SMARCAD1: variants seen among roughly 807,000 people sequenced by gnomAD.
The protein encoded by SMARCAD1 is SNF2 related chromatin remodeling ATPase with DExD box 1.
A neutral mutation model predicts 127.1 loss-of-function variants in SMARCAD1; 25 were observed. The ratio of observed to expected loss-of-function variants is 0.20; its 90% CI spans 0.14 to 0.27. The LOEUF (loss-of-function observed/expected upper bound fraction) is 0.27, where lower values mean the gene tolerates loss of function less well. Among genes scored for constraint, SMARCAD1 ranks in the 10% least tolerant of loss-of-function variants. The pLI is 1.00. For missense variants in SMARCAD1, 807 were observed against 1,206.0 expected (o/e 0.67, Z 4.90); for synonymous variants, 400 against 396.9 (o/e 1.01, Z -0.09).
chr4:94,235,229 CTTTTTTTT>C (rs35123705), intron 4 of SMARCAD1, among the ~76,000 whole-genome samples: 1 of 39,254 alleles, frequency 2.5e-5, no homozygotes, highest in Non-Finnish European at 4.4e-5. Context: ...ACCACCAATC[CTTTTTTTT>C]TTTTTTTTTT....
chr4:94,272,115 T>TA (rs2125980423), intron 11 of SMARCAD1, among the ~76,000 whole-genome samples: 1 of 152,338 alleles, frequency 6.6e-6, no homozygotes, highest in Admixed American at 6.5e-5. Context: ...ACTCTGTCCT[T>TA]ATGTGGCCTT....
intron 6 of SMARCAD1, among the ~76,000 whole-genome samples, chr4:94,241,714 G>A (rs937383512): frequency 2.0e-5 from 3 of 152,158 alleles, no homozygotes. Context: ...CCCAAGGAAT[G>A]GTGCTATAAT....
At chr4:94,232,110 A>T (rs1192430474) in intron 3 of SMARCAD1, among the ~76,000 whole-genome samples, 1 of 152,140 alleles carries the variant, frequency 6.6e-6, no homozygotes, top group Non-Finnish European at 1.5e-5. Flanking sequence ...TAATCCACCC[A>T]CGTCGGCCTC....
chr4:94,213,743 G>A (rs914230320), intron 2 of SMARCAD1, among the ~76,000 whole-genome samples: 2 of 152,120 alleles, frequency 1.3e-5, no homozygotes, highest in African/African-American at 4.8e-5. Flanking sequence ...GACAGCTGGA[G>A]GATTGACACC....
intron 22 of SMARCAD1, among the ~76,000 whole-genome samples, chr4:94,284,353 A>AAAAAT (rs1754590155): frequency 1.1e-5 from 1 of 88,252 alleles, no homozygotes; most frequent in Non-Finnish European, 2.6e-5. Context: ...AAAAAAAAAA[A>AAAAAT]GAAAAAAGTA....
chr4:94,209,970 C>T (rs1264387688), intron 2 of SMARCAD1, among the ~76,000 whole-genome samples: 4 of 152,108 alleles, frequency 2.6e-5, no homozygotes, highest in Non-Finnish European at 5.9e-5. Flanking sequence ...AAATGTGGGA[C>T]ATTAGACAAG....
intron 3 of SMARCAD1, among the ~76,000 whole-genome samples, chr4:94,227,884 C>T (rs185003660): frequency 9.2e-5 from 14 of 152,158 alleles, no homozygotes; most frequent in Admixed American, 4.6e-4. Flanking sequence ...GTAAGGGACA[C>T]TAGTATAGTA....
chr4:94,286,340 T>C (rs752981361), intron 23 of SMARCAD1, among the ~76,000 whole-genome samples: 2 of 152,330 alleles, frequency 1.3e-5, no homozygotes, highest in African/African-American at 2.4e-5. Context: ...TTCAGTTTTA[T>C]ACATTTGGAG....
At chr4:94,249,627 G>GT in intron 6 of SMARCAD1, 27 bp from the exon 7 acceptor site, 1 of 1,227,014 alleles carries the variant, frequency 8.1e-7, no homozygotes, top group Non-Finnish European at 1.2e-6. Flanking sequence ...CTCTTAAATT[G>GT]TTTTCTTTTT....
rs1293103279 is a variant in SMARCAD1, at chr4:94,283,121, G to A, written c.2727G>A (p.Arg909=). The A allele has an allele frequency of 6.2e-7, 1 of 1,609,740 alleles. No individual in the cohort carries two copies. The highest frequency in any genetic ancestry group is 1.7e-5 in the Admixed American group (1 of 59,944). The change falls in exon 22 of 24, where the codon AGG becomes AGA. Residue 909 remains arginine, a splice_region_variant and synonymous_variant. Coordinates refer to ENST00000354268, the MANE Select transcript of SMARCAD1 (RefSeq NM_020159.5). ...TTAACCTAATTTGTTTATCTTACAG[G>A]ATTCATCTAATTGATGAGTTTAATA... is the stretch of plus-strand genomic sequence containing the variant. The part of the protein sequence containing the change: ...RLDGKTQISE[R]IHLIDEFNTD...
Position 94,290,789 on chromosome 4 carries a change from TATC to T in SMARCAD1, c.*1258_*1260del, listed in dbSNP as rs896931115. The T allele has an allele frequency of 1.9e-5, 8 of 431,090 alleles. No individual in the cohort carries two copies. Among genetic ancestry groups the T allele is most frequent in the Non-Finnish European group, 2.7e-5 (6 of 219,060 alleles). The allele number at this position is 431,090 out of a possible 1,614,324, so 26.7% of individuals were successfully genotyped here. On this transcript the variant is annotated 3_prime_UTR_variant, in exon 24 of 24. Transcript: ENST00000354268. ...ATGTGTTTTGTTTTTATTATGTAAA[TATC>T]ATTATAAATAAACTTATTTATAAAT...
chr4:94,211,767 G>A (rs765157379), intron 2 of SMARCAD1, among the ~76,000 whole-genome samples: 2 of 152,122 alleles, frequency 1.3e-5, no homozygotes, highest in African/African-American at 4.8e-5. Flanking sequence ...TTGCCTGGAA[G>A]ACTCTTCCTG....
Position 94,278,993 on chromosome 4 carries a change from A to G in SMARCAD1, c.2361A>G (p.Leu787=). 3 of 1,614,124 alleles carry G rather than the reference A, an allele frequency of 1.9e-6. No individual in the cohort carries two copies. Among genetic ancestry groups the G allele is most frequent in the Non-Finnish European group, 2.5e-6 (3 of 1,180,012 alleles). ...GGAAAATGGCCAATCATCCTTTATT[A>G]CATCGCCAATATTACACAGCTGAAA... is the stretch of plus-strand genomic sequence containing the variant. ...QLRKMANHPL[L]HRQYYTAEKL... is the part of the protein sequence containing the mutation. The change falls in exon 19 of 24, where the codon TTA becomes TTG. Residue 787 remains leucine (L), a synonymous_variant. Transcript: ENST00000354268.
intron 12 of SMARCAD1, 138 bp from the exon 13 acceptor site, chr4:94,274,600 A>G: frequency 1.2e-6 from 1 of 827,934 alleles, no homozygotes; most frequent in Non-Finnish European, 2.0e-6. Context: ...TACAGGCATG[A>G]GCCACCTTGC....
At chr4:94,212,555 C>A (rs374785392) in intron 2 of SMARCAD1, among the ~76,000 whole-genome samples, 1 of 149,256 alleles carries the variant, frequency 6.7e-6, no homozygotes, top group Non-Finnish European at 1.5e-5. Context: ...GGCACAATCT[C>A]GGCTCACTGC....
rs192135797 is a variant in SMARCAD1, at chr4:94,217,932, A to T, written c.191-8187A>T. On this transcript the variant is annotated intron_variant, in intron 2 of 23. Coordinates refer to ENST00000354268, the MANE Select transcript of SMARCAD1 (RefSeq NM_020159.5). Reference sequence around the variant, plus strand: ...TTCTTTCAGTTACACTTGCAAATCTAACAATCTGTGTGCTTAGTATCATAA... The same window carrying T: ...TTCTTTCAGTTACACTTGCAAATCTTACAATCTGTGTGCTTAGTATCATAA... Among the ~76,000 whole-genome samples, 15 of 152,340 alleles carry T rather than the reference A, an allele frequency of 9.8e-5. No homozygotes were observed. The East Asian group carries it at 2.9e-3, about 29-fold the overall frequency.
chr4:94,253,047 G>A (rs1385213235), intron 9 of SMARCAD1, 40 bp downstream of exon 9: 5 of 1,603,924 alleles, frequency 3.1e-6, no homozygotes, highest in African/African-American at 1.3e-5. Context: ...ATGTGTGTGT[G>A]TATTTAATTC....
At chr4:94,219,735 T>C (rs995000029) in intron 2 of SMARCAD1, among the ~76,000 whole-genome samples, 33 of 152,342 alleles carry the variant, frequency 2.2e-4, no homozygotes, top group African/African-American at 7.9e-4. Context: ...AAGGACAGGC[T>C]GTTTTCCCTC....
intron 23 of SMARCAD1, among the ~76,000 whole-genome samples, chr4:94,288,978 C>A (rs770642814): frequency 2.0e-5 from 3 of 151,994 alleles, no homozygotes; most frequent in Admixed American, 6.6e-5. Context: ...TTTAAAGTGG[C>A]TAATTTAATC....
Sources: gnomAD v4.1 joint callset for allele counts (sites outside exome capture counted in the v4.1 genomes callset) on GRCh38, gnomAD v4.1.1 for gene constraint, MANE v1.5 for transcripts, NCBI Gene and HGNC (gene_info 2026-07-23, HGNC 2026-07-21) for gene names.